Variants in ADAMTS12 observed in about 807,000 individuals in gnomAD.
The protein encoded by ADAMTS12 is A disintegrin and metalloproteinase with thrombospondin motifs 12.
Under a neutral mutation model 167.8 loss-of-function variants are expected in ADAMTS12, and 118 were observed. The ratio of observed to expected loss-of-function variants is 0.70; its 90% confidence interval spans 0.61 to 0.82. The LOEUF is 0.82. Ranked by LOEUF, ADAMTS12 falls within the 40% of genes least tolerant of loss-of-function variation. The probability of loss-of-function intolerance (pLI) is 0.00; values close to 1 mark genes in which losing one functional copy is unlikely to be tolerated. For missense variants in ADAMTS12, 1,916 were observed against 1,998.8 expected, an observed-to-expected ratio of 0.96 and a Z score of 0.79; for synonymous variants, 704 against 716.9, an observed-to-expected ratio of 0.98 and a Z score of 0.29.
At chr5:33,810,170 C>A (rs1013292574) in intron 2 of ADAMTS12, among the ~76,000 whole-genome samples, 1 of 151,914 alleles carries the variant, frequency 6.6e-6, no homozygotes, top group Non-Finnish European at 1.5e-5. Context: ...GTCTAGAGAA[C>A]GCTACTGGGT....
At chr5:33,547,682 A>G (rs29968) in intron 21 of ADAMTS12, among the ~76,000 whole-genome samples, 58,740 of 152,082 alleles carry the variant, frequency 0.39, 15,973 homozygotes, top group African/African-American at 0.74. Flanking sequence ...AAAGGAGAGA[A>G]ACAGAAGGGC....
At chr5:33,647,069 G>GAGACAC (rs1740696466) in intron 9 of ADAMTS12, among the ~76,000 whole-genome samples, 1 of 152,074 alleles carries the variant, frequency 6.6e-6, no homozygotes, top group African/African-American at 2.4e-5. Flanking sequence ...ATGAAAATAT[G>GAGACAC]AAGGAGAGGT....
chr5:33,584,511 T>C (rs1747235220), intron 18 of ADAMTS12, among the ~76,000 whole-genome samples: 1 of 152,176 alleles, frequency 6.6e-6, no homozygotes, highest in African/African-American at 2.4e-5. Flanking sequence ...CACAAATCAG[T>C]TCCTTCAGCA....
chr5:33,596,022 G>T lies in ADAMTS12; in HGVS notation c.2566C>A (p.Arg856Ser). 1 of 1,614,032 alleles carries T rather than the reference G, an allele frequency of 6.2e-7. No homozygotes were observed. The highest frequency in any genetic ancestry group is 8.5e-7 in the Non-Finnish European group (1 of 1,179,966). ...CAGAATGTAGCTTTCACCATCCCGC[G>T]GCCCTTCTTTATGCAATGGGCAGTT... is the stretch of plus-strand genomic sequence containing the variant. ...RQTAHCIKKG[R>S]GMVKATFCDP... is the part of the protein sequence containing the mutation. Residue 856 changes from arginine to serine, a missense_variant, in exon 17 of 24, where the codon CGC becomes AGC. Physicochemically the swap from Arg to Ser is moderately radical, Grantham distance 110. Coordinates refer to ENST00000504830, the MANE Select transcript of ADAMTS12 (RefSeq NM_030955.4).
At chr5:33,543,722 A>C (rs1420129607) in intron 22 of ADAMTS12, among the ~76,000 whole-genome samples, 1 of 152,186 alleles carries the variant, frequency 6.6e-6, no homozygotes, top group Non-Finnish European at 1.5e-5. Context: ...CAAATCAATA[A>C]ATGTAATCTA....
intron 18 of ADAMTS12, among the ~76,000 whole-genome samples, chr5:33,579,182 G>C (rs987320528): frequency 3.3e-5 from 5 of 152,166 alleles, no homozygotes; most frequent in Non-Finnish European, 7.3e-5. Flanking sequence ...ATCTATTTTA[G>C]TCACGCTGAG....
At position 33,615,255 on chromosome 5, in the gene ADAMTS12, G is replaced by C. The variant is rs1738940230; in HGVS notation, c.2388+573C>G. Reference sequence around the variant, plus strand: ...GTGCTCTGATCTCTGGCTCGAAAAGGATGTCTCTCTAACTTTAGACTGTGG... The same window carrying C: ...GTGCTCTGATCTCTGGCTCGAAAAGCATGTCTCTCTAACTTTAGACTGTGG... On this transcript the variant is annotated intron_variant, in intron 15 of 23. Coordinates refer to ENST00000504830, the MANE Select transcript of ADAMTS12 (RefSeq NM_030955.4). 2.0e-5 allele frequency among the ~76,000 whole-genome samples: 3 copies of C among 152,154 alleles called. No homozygotes were observed. The East Asian group carries it at 5.8e-4, about 29-fold the overall frequency.
At chr5:33,849,604 T>C (rs1439542812) in intron 2 of ADAMTS12, among the ~76,000 whole-genome samples, 8 of 62,894 alleles carry the variant, frequency 1.3e-4, no homozygotes, top group East Asian at 8.3e-4. Flanking sequence ...ATGTATTGCA[T>C]AGCAATATAT....
chr5:33,549,647 G>T (rs932167678), intron 20 of ADAMTS12, among the ~76,000 whole-genome samples: 3 of 152,226 alleles, frequency 2.0e-5, no homozygotes, highest in Admixed American at 6.5e-5. Flanking sequence ...TGAGCCTCAG[G>T]TGTCCCATCT....
chr5:33,796,272 A>G (rs1167357050), intron 2 of ADAMTS12, among the ~76,000 whole-genome samples: 1 of 152,248 alleles, frequency 6.6e-6, no homozygotes, highest in East Asian at 1.9e-4. Flanking sequence ...GCATCAGTAA[A>G]GGAAAGGAAC....
At chr5:33,809,885 G>T (rs2112485109) in intron 2 of ADAMTS12, among the ~76,000 whole-genome samples, 1 of 151,674 alleles carries the variant, frequency 6.6e-6, no homozygotes, top group Admixed American at 6.6e-5. Context: ...TAGAGACTGG[G>T]GGTGGGGGTG....
chr5:33,791,944 CTG>C (rs1746587603), intron 2 of ADAMTS12, among the ~76,000 whole-genome samples: 2 of 150,302 alleles, frequency 1.3e-5, no homozygotes, highest in African/African-American at 4.9e-5. Context: ...TGGTAATTAT[CTG>C]TGACATCTTT....
chr5:33,691,949 C>T lies in ADAMTS12; in HGVS notation c.635-7894G>A, dbSNP rs191376250. Among the ~76,000 whole-genome samples, 7 of 152,350 alleles carry T rather than the reference C, an allele frequency of 4.6e-5. 1 individual carries two copies. Among genetic ancestry groups the T allele is most frequent in the African/African-American group, 1.7e-4 (7 of 41,590 alleles). ...TCTGGGCTATCCTAAGGTAAGCCCC[C>T]TCTCAGTGTCCCTACCCCACTGGCC... is the stretch of plus-strand genomic sequence containing the variant. On this transcript the variant is annotated intron_variant, in intron 3 of 23. Transcript: ENST00000504830.
At chr5:33,851,057 C>T (rs908968728) in intron 2 of ADAMTS12, among the ~76,000 whole-genome samples, 3 of 152,128 alleles carry the variant, frequency 2.0e-5, no homozygotes, top group African/African-American at 4.8e-5. Context: ...CCAGTGCTTG[C>T]GCATGACAGA....
In ADAMTS12 at chr5:33,524,218, A is replaced by G. The variant is rs1440410509; in HGVS notation, c.*2970T>C. 2 of 152,248 alleles carry G rather than the reference A, an allele frequency of 1.3e-5. No homozygotes were observed. The highest frequency in any genetic ancestry group is 2.9e-5 in the Non-Finnish European group (2 of 68,040). The allele number at this position is 152,248 out of a possible 1,614,324, so 9.4% of individuals were successfully genotyped here. The stretch of plus-strand genomic sequence containing the variant: ...AACAAAGCATTCCTACAAAGGAGGC[A>G]CTGAAACGATTTCCTGATTGAAGAA... On this transcript the variant is annotated 3_prime_UTR_variant, in exon 24 of 24. Coordinates refer to ENST00000504830, the MANE Select transcript of ADAMTS12 (RefSeq NM_030955.4).
intron 5 of ADAMTS12, among the ~76,000 whole-genome samples, chr5:33,679,690 G>T (rs10072340): frequency 0.052 from 7,858 of 152,230 alleles, 422 homozygotes; most frequent in East Asian, 0.17. Flanking sequence ...AACTTGAAAT[G>T]TGCTATTTTT....
intron 3 of ADAMTS12, among the ~76,000 whole-genome samples, chr5:33,736,355 G>A (rs529451234): frequency 1.3e-5 from 2 of 152,186 alleles, no homozygotes; most frequent in South Asian, 2.1e-4. Flanking sequence ...GAGCCACCAC[G>A]CCCAGCCTGT....
intron 19 of ADAMTS12, among the ~76,000 whole-genome samples, chr5:33,572,429 C>G (rs947305646): frequency 1.3e-5 from 2 of 151,750 alleles, no homozygotes; most frequent in Non-Finnish European, 1.5e-5. Context: ...CCCTGGGATG[C>G]AAGGCTGGTT....
Position 33,578,637 on chromosome 5 carries a change from C to T in ADAMTS12, c.2866-1477G>A, listed in dbSNP as rs151115652. Among the ~76,000 whole-genome samples the T allele has an allele frequency of 4.1e-3, 624 of 152,284 alleles. 6 individuals are homozygous for T. The highest frequency in any genetic ancestry group is 0.015 in the African/African-American group (606 of 41,554). On this transcript the variant is annotated intron_variant, in intron 18 of 23. Transcript: ENST00000504830. ...AAAAATTCTCACTCATGAGCTTCTG[C>T]ATTTAGATTAAGTTCCTTGCCTTCT...
Sources: allele counts gnomAD v4.1 joint callset (sites outside exome capture counted in the v4.1 genomes callset), GRCh38; gene constraint gnomAD v4.1.1; transcripts MANE v1.5; gene names NCBI Gene and HGNC (gene_info 2026-07-23, HGNC 2026-07-21).